The following SCN8A variants were observed in gnomAD, a reference collection of about 807,000 sequenced individuals.
The protein encoded by SCN8A is sodium voltage-gated channel alpha subunit 8, also known as sodium channel protein type 8 subunit alpha.
Under a neutral mutation model 184.1 loss-of-function variants are expected in SCN8A, and 30 were observed. That is an observed-to-expected ratio of 0.16 (90% CI 0.12 to 0.22). The LOEUF (loss-of-function observed/expected upper bound fraction) is 0.22, where lower values mean the gene tolerates loss of function less well. Among genes scored for constraint, SCN8A ranks in the 10% least tolerant of loss-of-function variants. SCN8A has a pLI of 1.00. For synonymous variants in SCN8A, 852 were observed against 907.0 expected, an observed-to-expected ratio of 0.94 and a Z score of 1.09; for missense variants, 1,057 against 2,498.9, an observed-to-expected ratio of 0.42 and a Z score of 12.30.
chr12:51,774,311 C>T lies in SCN8A; in HGVS notation c.3768C>T (p.Phe1256=), dbSNP rs767706770. Residue 1256 remains phenylalanine, a synonymous_variant, in exon 20 of 27, where the codon TTC becomes TTT. Transcript: ENST00000627620. ...EMLLKWTAYG[F]VKFFTNAWCW... ...TGCTCAAGTGGACAGCCTATGGCTT[C>T]GTCAAGTTCTTCACCAATGCCTGGT... The T allele has an allele frequency of 1.9e-6, 3 of 1,612,964 alleles. No homozygotes were observed. The highest frequency in any genetic ancestry group is 2.5e-6 in the Non-Finnish European group (3 of 1,179,452).
chr12:51,689,162 C>T (rs1941467230), intron 6 of SCN8A, 66 bp downstream of exon 6: 2 of 1,200,412 alleles, frequency 1.7e-6, no homozygotes, highest in African/African-American at 1.5e-5. Flanking sequence ...TCGTTTTGTC[C>T]ACCATTCTAA....
intron 1 of SCN8A, among the ~76,000 whole-genome samples, chr12:51,598,355 T>A (rs558475835): frequency 6.6e-6 from 1 of 152,288 alleles, no homozygotes; most frequent in South Asian, 2.1e-4. Context: ...CCTCATCTGC[T>A]GGACAGGGCA....
intron 1 of SCN8A, among the ~76,000 whole-genome samples, chr12:51,618,163 T>G (rs910735975): frequency 6.6e-6 from 1 of 151,744 alleles, no homozygotes; most frequent in Non-Finnish European, 1.5e-5. Context: ...ATACGGAGAG[T>G]CAACGAAGCA....
At chr12:51,798,197 AGGAACAT>A (rs1363226161) in intron 26 of SCN8A, among the ~76,000 whole-genome samples, 2 of 152,234 alleles carry the variant, frequency 1.3e-5, no homozygotes, top group East Asian at 3.8e-4. Flanking sequence ...CAAGATGATG[AGGAACAT>A]GGTAACACCA....
intron 1 of SCN8A, among the ~76,000 whole-genome samples, chr12:51,621,905 C>A (rs1310427917): frequency 1.3e-5 from 2 of 152,186 alleles, no homozygotes; most frequent in African/African-American, 4.8e-5. Flanking sequence ...TTCTGTCTGC[C>A]TCTGGTAAGG....
In SCN8A at chr12:51,807,512, C is replaced by A. The variant is rs1938743561; in HGVS notation, c.*83C>A. ...ACAAACTTCCTGAATATTATCAATGCAGAACAGCTGTGGAGACTCTAACCT... is the reference window on the plus strand; with the variant it reads ...ACAAACTTCCTGAATATTATCAATGAAGAACAGCTGTGGAGACTCTAACCT... On this transcript the variant is annotated 3_prime_UTR_variant, in exon 27 of 27. Coordinates refer to ENST00000627620, the MANE Select transcript of SCN8A (RefSeq NM_001330260.2). This position sits in a 1 kb window ranked among gnomAD's most constrained non-coding sequence, Gnocchi z 4.5. 3 of 1,379,342 alleles carry A rather than the reference C, an allele frequency of 2.2e-6. No individual in the cohort carries two copies. Among genetic ancestry groups the A allele is most frequent in the African/African-American group, 1.4e-5 (1 of 69,556 alleles). The allele number at this position is 1,379,342 out of a possible 1,614,324, so 85.4% of individuals were successfully genotyped here.
chr12:51,806,556 A>G lies in SCN8A; in HGVS notation c.5070A>G (p.Thr1690=), dbSNP rs202039565. 1 of 1,614,162 alleles carries G rather than the reference A, an allele frequency of 6.2e-7. No individual in the cohort carries two copies. Among genetic ancestry groups the G allele is most frequent in the Non-Finnish European group, 8.5e-7 (1 of 1,180,036 alleles). The change falls in exon 27 of 27, where the codon ACA becomes ACG. Residue 1690 remains threonine (T), a synonymous_variant. Coordinates refer to ENST00000627620, the MANE Select transcript of SCN8A (RefSeq NM_001330260.2). This position sits in a 1 kb window ranked among gnomAD's most constrained non-coding sequence, Gnocchi z 8.7. ...AGIDDMFNFE[T]FGNSMICLFQ... is the part of the protein sequence containing the mutation. Reference sequence around the variant, plus strand: ...TCGATGACATGTTCAACTTTGAGACATTTGGCAACAGCATGATCTGCCTGT... The same window carrying G: ...TCGATGACATGTTCAACTTTGAGACGTTTGGCAACAGCATGATCTGCCTGT...
At chr12:51,713,685 C>A in intron 11 of SCN8A, 2 of 497,790 alleles carry the variant, frequency 4.0e-6, no homozygotes. Context: ...AGGCTCAGGG[C>A]AGTTTATAAA....
chr12:51,697,109 G>A (rs533753448), intron 6 of SCN8A, among the ~76,000 whole-genome samples: 31 of 151,780 alleles, frequency 2.0e-4, no homozygotes, highest in African/African-American at 6.8e-4. Flanking sequence ...CAGAATACCA[G>A]CTTTCTGATT....
intron 12 of SCN8A, among the ~76,000 whole-genome samples, chr12:51,735,616 C>A (rs1157421719): frequency 6.6e-6 from 1 of 152,172 alleles, no homozygotes; most frequent in Non-Finnish European, 1.5e-5. Context: ...GTCCCGCTTT[C>A]CTCAGGTTTT....
chr12:51,633,138 G>C (rs547838108), intron 1 of SCN8A, among the ~76,000 whole-genome samples: 4 of 152,332 alleles, frequency 2.6e-5, no homozygotes, highest in African/African-American at 9.6e-5. Flanking sequence ...CTGTGGAAGA[G>C]GGTGCTGAGG....
intron 2 of SCN8A, among the ~76,000 whole-genome samples, chr12:51,669,739 A>C (rs918980989): frequency 1.3e-5 from 2 of 152,146 alleles, no homozygotes; most frequent in African/African-American, 4.8e-5. Context: ...GTTCCCAATA[A>C]TGTTTGCAAT....
At chr12:51,606,078 A>G (rs1939585873) in intron 1 of SCN8A, among the ~76,000 whole-genome samples, 1 of 152,158 alleles carries the variant, frequency 6.6e-6, no homozygotes, top group South Asian at 2.1e-4. Flanking sequence ...TGTGCCGTGC[A>G]AAAGCTTTTA....
intron 1 of SCN8A, among the ~76,000 whole-genome samples, chr12:51,632,619 C>A (rs981355373): frequency 1.3e-5 from 2 of 152,182 alleles, no homozygotes; most frequent in Non-Finnish European, 2.9e-5. Flanking sequence ...CTGAACCACA[C>A]TGTAGTGGTA....
intron 20 of SCN8A, among the ~76,000 whole-genome samples, chr12:51,778,922 A>G (rs1432741802): frequency 6.6e-6 from 1 of 152,176 alleles, no homozygotes; most frequent in Non-Finnish European, 1.5e-5. Context: ...TGTTGTAAGA[A>G]ACCCAGAACC....
intron 22 of SCN8A, 67 bp from the exon 23 acceptor site, chr12:51,788,628 G>T (rs1474787697): frequency 1.9e-5 from 25 of 1,301,088 alleles, no homozygotes; most frequent in Non-Finnish European, 2.4e-5. Context: ...TGGCCTTTGG[G>T]ACCCCTGCCT....
In SCN8A at chr12:51,705,741, C is replaced by G. The variant is rs1941772902; in HGVS notation, c.1341+118C>G. The G allele has an allele frequency of 6.2e-5, 56 of 907,226 alleles. 1 individual carries two copies. The South Asian group carries it at 1.0e-3, about 16-fold the overall frequency. The allele number at this position is 907,226 out of a possible 1,614,324, so 56.2% of individuals were successfully genotyped here. A position where few individuals can be genotyped will look rare whatever the true frequency, so the allele number is the denominator to read the frequency against. The stretch of plus-strand genomic sequence containing the variant: ...ATATTTTCAAATAGAGGCCATTGGT[C>G]TGATGAAAATAACCCAAGTAACAAC... On this transcript the variant is annotated intron_variant, in intron 10 of 26. Coordinates refer to ENST00000627620, the MANE Select transcript of SCN8A (RefSeq NM_001330260.2).
At chr12:51,682,203 C>G (rs1251521234) in intron 2 of SCN8A, among the ~76,000 whole-genome samples, 2 of 152,042 alleles carry the variant, frequency 1.3e-5, no homozygotes, top group Non-Finnish European at 2.9e-5. Context: ...GTGTGCAACC[C>G]TTTTTATATG....
Position 51,807,387 on chromosome 12 carries a change from AAG to A in SCN8A, c.5904_5905del (p.Arg1968SerfsTer29), listed in dbSNP as rs1938738246. 2 of 1,612,800 alleles carry A rather than the reference AAG, an allele frequency of 1.2e-6. No homozygotes were observed. Among genetic ancestry groups the A allele is most frequent in the Non-Finnish European group, 1.7e-6 (2 of 1,179,322 alleles). ...QQRAEEGRRE[R>X]AKRQKEVRES... is the part of the protein sequence containing the mutation. ...AGCGGGCAGAGGAAGGAAGAAGGGAAAGAGCCAAAAGACAAAAAGAGGTCAGA... is the reference window on the plus strand; with the variant it reads ...AGCGGGCAGAGGAAGGAAGAAGGGAAAGCCAAAAGACAAAAAGAGGTCAGA... On this transcript the variant is annotated frameshift_variant, in exon 27 of 27. Coordinates refer to ENST00000627620, the MANE Select transcript of SCN8A (RefSeq NM_001330260.2). LOFTEE classifies it high-confidence loss of function. The surrounding 1 kb of genome is among the most constrained non-coding windows in gnomAD (Gnocchi z 4.5).
Sources: allele counts gnomAD v4.1 joint callset (sites outside exome capture counted in the v4.1 genomes callset), GRCh38; gene constraint gnomAD v4.1.1; non-coding constraint Gnocchi (gnomAD v3.1); transcripts MANE v1.5; gene names NCBI Gene and HGNC (gene_info 2026-07-23, HGNC 2026-07-21).